ADRA1B: variants seen among roughly 807,000 people sequenced by gnomAD.
The protein encoded by ADRA1B is adrenoceptor alpha 1B, also known as alpha-1B adrenergic receptor.
In ADRA1B, 17 loss-of-function variants were observed where a neutral mutation model predicts 17.9. The ratio of observed to expected loss-of-function variants is 0.95; its 90% CI spans 0.65 to 1.42. The LOEUF is 1.42. Among genes scored for constraint, ADRA1B ranks in the 40% most tolerant of loss-of-function variants. The pLI, the probability that ADRA1B is intolerant of heterozygous loss-of-function variation, is 0.00. For synonymous variants in ADRA1B, 366 were observed against 327.6 expected (o/e 1.12, Z -1.27); for missense variants, 681 against 722.1 (o/e 0.94, Z 0.65).
chr5:159,924,181 A>T (rs1754575394), intron 1 of ADRA1B, among the ~76,000 whole-genome samples: 1 of 152,226 alleles, frequency 6.6e-6, no homozygotes, highest in African/African-American at 2.4e-5. Context: ...TTTCATGTAA[A>T]TGATTCTTTT....
chr5:159,956,517 T>G (rs1755553375), intron 1 of ADRA1B, among the ~76,000 whole-genome samples: 1 of 152,222 alleles, frequency 6.6e-6, no homozygotes, highest in South Asian at 2.1e-4. Context: ...GTTGACAGCT[T>G]ACCATTTTAA....
chr5:159,980,267 G>T, the ADRA1B span, among the ~76,000 whole-genome samples: 2 of 152,170 alleles, frequency 1.3e-5, no homozygotes, highest in East Asian at 1.9e-4. Flanking sequence ...GCCCCATTAC[G>T]GTTTTCATGT....
chr5:159,985,490 C>T, the ADRA1B span, among the ~76,000 whole-genome samples: 1 of 152,274 alleles, frequency 6.6e-6, no homozygotes. Flanking sequence ...TGGCCAGGCC[C>T]CAAGTAGTAG....
chr5:159,941,973 A>T lies in ADRA1B; in HGVS notation c.949+24119A>T, dbSNP rs373249404. 8.4e-5 allele frequency among the ~76,000 whole-genome samples: 12 copies of T among 142,198 alleles called. No homozygotes were observed. The South Asian group carries it at 9.0e-4, about 11-fold the overall frequency. The allele number at this position is 142,198 out of a possible 152,430, so 93.3% of individuals were successfully genotyped here. ...AGTCTCGCTCTGTCACCCAGGCTAG[A>T]GTGCAGTGGCGCGATCTTGGCTCAC... On this transcript the variant is annotated intron_variant, in intron 1 of 1. Transcript: ENST00000306675.
intron 1 of ADRA1B, among the ~76,000 whole-genome samples, chr5:159,929,379 C>T (rs1168346345): frequency 6.6e-6 from 1 of 151,812 alleles, no homozygotes; most frequent in African/African-American, 2.4e-5. Context: ...AGTGTGGCTG[C>T]TTGCCCACTT....
At chr5:159,873,221 T>C (rs1273642203) in intron 1 of ADRA1B, among the ~76,000 whole-genome samples, 2 of 152,338 alleles carry the variant, frequency 1.3e-5, no homozygotes, top group African/African-American at 4.8e-5. Flanking sequence ...TTGTAAATAG[T>C]GCTGCAATAA....
intron 1 of ADRA1B, among the ~76,000 whole-genome samples, chr5:159,931,335 A>G (rs568193858): frequency 1.4e-4 from 22 of 151,878 alleles, no homozygotes; most frequent in Middle Eastern, 6.8e-3. Flanking sequence ...TCAAGGGTAC[A>G]ATGAGCCATA....
intron 1 of ADRA1B, among the ~76,000 whole-genome samples, chr5:159,881,928 C>T (rs902103672): frequency 3.3e-5 from 5 of 152,060 alleles, no homozygotes; most frequent in East Asian, 3.9e-4. Flanking sequence ...ATGGGTGTCC[C>T]GAAAAGGGCT....
chr5:159,880,636 A>G (rs1016601217), intron 1 of ADRA1B, among the ~76,000 whole-genome samples: 5 of 152,206 alleles, frequency 3.3e-5, no homozygotes, highest in African/African-American at 9.6e-5. Flanking sequence ...ATCTTCAGAC[A>G]GTGTCAAACT....
chr5:159,950,843 C>A, intron 1 of ADRA1B: 1 of 599,820 alleles, frequency 1.7e-6, no homozygotes, highest in South Asian at 1.7e-5. Flanking sequence ...TTAGAGATGA[C>A]CCCTACCCAC....
At chr5:159,939,934 G>A (rs897019601) in intron 1 of ADRA1B, among the ~76,000 whole-genome samples, 19 of 152,126 alleles carry the variant, frequency 1.2e-4, no homozygotes, top group Admixed American at 3.9e-4. Context: ...TCTCTTGTGC[G>A]ATCTCTGTCC....
intron 1 of ADRA1B, among the ~76,000 whole-genome samples, chr5:159,908,683 G>A (rs1214812614): frequency 6.6e-6 from 1 of 152,206 alleles, no homozygotes; most frequent in East Asian, 1.9e-4. Flanking sequence ...AGCAGTGCAA[G>A]CGATTAAGAC....
intron 1 of ADRA1B, among the ~76,000 whole-genome samples, chr5:159,965,828 A>AATTTATT (rs1755766138): frequency 6.6e-6 from 1 of 152,024 alleles, no homozygotes; most frequent in South Asian, 2.1e-4. Context: ...GAGGGATCTG[A>AATTTATT]ATTTATTTAT....
chr5:159,965,584 G>A (rs562959375), intron 1 of ADRA1B, among the ~76,000 whole-genome samples: 6 of 152,180 alleles, frequency 3.9e-5, no homozygotes, highest in East Asian at 1.9e-4. Context: ...GTTACTTAAC[G>A]ACAGCTTCTT....
Position 159,917,533 on chromosome 5 carries a change from G to T in ADRA1B, c.628G>T (p.Gly210Cys). The change falls in exon 1 of 2, where the codon GGC (glycine) becomes TGC (cysteine). Residue 210 changes from glycine to cysteine, a missense_variant. Gly to Cys is a radical substitution (Grantham distance 159, BLOSUM62 -3). Transcript: ENST00000306675. ...CTTCTATGCCCTCTTCTCCTCTCTG[G>T]GCTCCTTCTACATCCCTCTGGCGGT... ...EPFYALFSSL[G>C]SFYIPLAVIL... The T allele has an allele frequency of 6.2e-7, 1 of 1,613,886 alleles. No homozygotes were observed. Among genetic ancestry groups the T allele is most frequent in the Non-Finnish European group, 8.5e-7 (1 of 1,179,952 alleles).
At chr5:159,906,045 G>A (rs1392726787) in intron 1 of ADRA1B, among the ~76,000 whole-genome samples, 2 of 152,102 alleles carry the variant, frequency 1.3e-5, no homozygotes, top group Non-Finnish European at 2.9e-5. Context: ...AGTAGAGATA[G>A]GGTTTCGCCA....
At chr5:159,865,160 G>C (rs767891628) in exon 1 of ADRA1B, 1 of 152,136 alleles carries the variant, frequency 6.6e-6, no homozygotes. Flanking sequence ...AAATCTGAGG[G>C]ATCCTCACAG....
rs1256231726 is a variant in ADRA1B at position 159,917,122 on chromosome 5, A to G, written c.217A>G (p.Asn73Asp). ...CCTAGTCATCTTGTCTGTGGCCTGC[A>G]ACCGGCACCTGCGGACGCCCACCAA... is the stretch of plus-strand genomic sequence containing the variant. ...NILVILSVACNRHLRTPTNYF... is the reference protein window; with the variant it reads ...NILVILSVACDRHLRTPTNYF... The change falls in exon 1 of 2, where the codon AAC becomes GAC. Residue 73 changes from asparagine (N) to aspartate (D), a missense_variant. Physicochemically the swap from Asn to Asp is conservative, Grantham distance 23. Coordinates refer to ENST00000306675, the MANE Select transcript of ADRA1B (RefSeq NM_000679.4). The G allele has an allele frequency of 6.8e-6, 11 of 1,613,966 alleles. No homozygotes were observed. The highest frequency in any genetic ancestry group is 8.5e-6 in the Non-Finnish European group (10 of 1,179,998).
chr5:159,866,144 T>C (rs1373565167), intron 1 of ADRA1B, among the ~76,000 whole-genome samples: 3 of 151,682 alleles, frequency 2.0e-5, no homozygotes, highest in Admixed American at 2.0e-4. Flanking sequence ...TCTACAAATA[T>C]ATATATTTTT....
Sources: allele counts gnomAD v4.1 joint callset (sites outside exome capture counted in the v4.1 genomes callset), GRCh38; gene constraint gnomAD v4.1.1; transcripts MANE v1.5; gene names NCBI Gene and HGNC (gene_info 2026-07-23, HGNC 2026-07-21).